Variants in NR3C2 observed in about 807,000 individuals in gnomAD.
NR3C2 encodes the protein nuclear receptor subfamily 3 group C member 2, also known as mineralocorticoid receptor.
NR3C2 carries 15 observed loss-of-function variants against 86.4 expected under a neutral mutation model. That is an observed-to-expected ratio of 0.17 (90% confidence interval 0.12 to 0.27). NR3C2 has a LOEUF of 0.27. Among genes scored for constraint, NR3C2 ranks in the 10% least tolerant of loss-of-function variants. The probability of loss-of-function intolerance (pLI) is 1.00; values close to 1 mark genes in which losing one functional copy is unlikely to be tolerated. For missense variants in NR3C2, 960 were observed against 1,195.6 expected (o/e 0.80, Z 2.91); for synonymous variants, 458 against 450.5 (o/e 1.02, Z -0.21).
chr4:148,104,342 G>GGTTTGGTTTT (rs1731686588), intron 8 of NR3C2, among the ~76,000 whole-genome samples: 1 of 63,796 alleles, frequency 1.6e-5, no homozygotes, highest in African/African-American at 5.5e-5. Flanking sequence ...TTTTGGTTTG[G>GGTTTGGTTTT]TTTTTTTTTT....
chr4:148,094,725 A>C (rs1268244112), intron 8 of NR3C2, among the ~76,000 whole-genome samples: 19 of 128,996 alleles, frequency 1.5e-4, no homozygotes, highest in Non-Finnish European at 1.1e-4. Context: ...CAAAAAAAAA[A>C]ACAAAAAAAA....
At chr4:148,205,744 A>C (rs1736971346) in intron 3 of NR3C2, among the ~76,000 whole-genome samples, 1 of 152,220 alleles carries the variant, frequency 6.6e-6, no homozygotes, top group African/African-American at 2.4e-5. Context: ...AGAATACAGA[A>C]GAGAAAGTAA....
intron 8 of NR3C2, among the ~76,000 whole-genome samples, chr4:148,094,737 A>C (rs1404794937): frequency 7.4e-6 from 1 of 135,902 alleles, no homozygotes; most frequent in African/African-American, 3.3e-5. Flanking sequence ...CAAAAAAAAC[A>C]AAAAAACAAA....
rs1730471949 is a variant in NR3C2 at position 148,080,044 on chromosome 4, G to A, written c.*1300C>T. ...TGCTCTCTGAGCCATCAAGTTCCCA[G>A]TCTCACTCTCGTAGAGCTGGTTCTG... On this transcript the variant is annotated 3_prime_UTR_variant, in exon 9 of 9. Transcript: ENST00000358102. The A allele has an allele frequency of 6.6e-6, 1 of 152,186 alleles. No homozygotes were observed. Among genetic ancestry groups the A allele is most frequent in the African/African-American group, 2.4e-5 (1 of 41,428 alleles). 9.4% of individuals were successfully genotyped at this position (152,186 alleles called of 1,614,324 possible).
At chr4:148,379,960 AT>A (rs1434868332) in intron 2 of NR3C2, among the ~76,000 whole-genome samples, 1 of 152,212 alleles carries the variant, frequency 6.6e-6, no homozygotes, top group Non-Finnish European at 1.5e-5. Context: ...ATACATTTAA[AT>A]GATTCTTGCA....
chr4:148,107,806 T>C (rs1322432918), intron 8 of NR3C2, among the ~76,000 whole-genome samples: 2 of 151,900 alleles, frequency 1.3e-5, no homozygotes, highest in South Asian at 2.1e-4. Flanking sequence ...TAAAAACACA[T>C]GGACACAGGG....
intron 8 of NR3C2, among the ~76,000 whole-genome samples, chr4:148,113,116 A>G (rs1455149859): frequency 6.6e-6 from 1 of 152,252 alleles, no homozygotes; most frequent in Non-Finnish European, 1.5e-5. Context: ...ATCCAAATCA[A>G]TATTTTGTAG....
At chr4:148,396,455 G>A (rs1747865392) in intron 2 of NR3C2, among the ~76,000 whole-genome samples, 1 of 152,128 alleles carries the variant, frequency 6.6e-6, no homozygotes. Context: ...AGCACCTCTT[G>A]TTAACAAAGA....
At position 148,433,483 on chromosome 4, in the gene NR3C2, T is replaced by C. The variant is rs1440330765; in HGVS notation, c.1757+1621A>G. Among the ~76,000 whole-genome samples, 4 of 152,108 alleles carry C rather than the reference T, an allele frequency of 2.6e-5. No homozygotes were observed. In the South Asian group the frequency reaches 8.3e-4, roughly 31 times the overall value. The stretch of plus-strand genomic sequence containing the variant: ...ATGAAGAAAAAGAAAACTAAAAATA[T>C]GAAAACTAAAAATTATAAAACAATT... On this transcript the variant is annotated intron_variant, in intron 2 of 8. Coordinates refer to ENST00000358102, the MANE Select transcript of NR3C2 (RefSeq NM_000901.5).
intron 3 of NR3C2, among the ~76,000 whole-genome samples, chr4:148,219,533 T>A (rs942836186): frequency 5.3e-5 from 8 of 152,214 alleles, no homozygotes; most frequent in African/African-American, 1.9e-4. Context: ...TAATTGCCCT[T>A]TTCATTCTCA....
At chr4:148,284,389 T>C (rs1249018186) in intron 2 of NR3C2, among the ~76,000 whole-genome samples, 1 of 152,098 alleles carries the variant, frequency 6.6e-6, no homozygotes, top group Admixed American at 6.5e-5. Context: ...CATTTGCTGA[T>C]GAAGGTGTGA....
intron 2 of NR3C2, among the ~76,000 whole-genome samples, chr4:148,324,155 A>G (rs1743817841): frequency 6.6e-6 from 1 of 152,216 alleles, no homozygotes; most frequent in African/African-American, 2.4e-5. Flanking sequence ...AAGACTATAC[A>G]TCCTTAACTG....
intron 2 of NR3C2, among the ~76,000 whole-genome samples, chr4:148,305,615 G>A (rs1742576665): frequency 6.6e-6 from 1 of 151,266 alleles, no homozygotes; most frequent in Non-Finnish European, 1.5e-5. Context: ...GCTACGCTTT[G>A]AGAGAACTTC....
chr4:148,098,089 A>T (rs1487758729), intron 8 of NR3C2, among the ~76,000 whole-genome samples: 1 of 151,954 alleles, frequency 6.6e-6, no homozygotes, highest in Non-Finnish European at 1.5e-5. Flanking sequence ...GTTTCCTCCC[A>T]TCTCCTCTTT....
Position 148,081,330 on chromosome 4 carries a change from T to C in NR3C2, c.*14A>G, listed in dbSNP as rs561242694. 3 of 1,614,208 alleles carry C rather than the reference T, an allele frequency of 1.9e-6. No homozygotes were observed. Among genetic ancestry groups the C allele is most frequent in the Admixed American group, 1.7e-5 (1 of 60,030 alleles). On this transcript the variant is annotated 3_prime_UTR_variant, in exon 9 of 9. Coordinates refer to ENST00000358102, the MANE Select transcript of NR3C2 (RefSeq NM_000901.5). ...AGGGAAACTTAAGGCAAAGTTCTTC[T>C]GGGCAGCGGGCAGTCACTTCCGGTG...
At position 148,128,337 on chromosome 4, in the gene NR3C2, A is replaced by G. The variant is rs149159603; in HGVS notation, c.2511-8049T>C. On this transcript the variant is annotated intron_variant, in intron 6 of 8. Coordinates refer to ENST00000358102, the MANE Select transcript of NR3C2 (RefSeq NM_000901.5). ...GCAGGTACTGGCTTACCATTCAGGT[A>G]TCTGGAAGTCCTTCTAGAAGTAGTT... 4.6e-3 allele frequency among the ~76,000 whole-genome samples: 696 copies of G among 152,352 alleles called. 7 individuals carry two copies. Among genetic ancestry groups the G allele is most frequent in the African/African-American group, 0.016 (657 of 41,590 alleles).
intron 2 of NR3C2, among the ~76,000 whole-genome samples, chr4:148,417,866 C>T (rs1749089119): frequency 6.6e-6 from 1 of 152,144 alleles, no homozygotes; most frequent in Non-Finnish European, 1.5e-5. Context: ...CTTAACAGTG[C>T]TTATATTTGA....
intron 2 of NR3C2, among the ~76,000 whole-genome samples, chr4:148,400,774 G>A (rs1402343069): frequency 1.8e-4 from 13 of 71,684 alleles, no homozygotes; most frequent in Admixed American, 8.7e-4. Flanking sequence ...GTGAGACTCC[G>A]TCTCAAAAAA....
Position 148,390,559 on chromosome 4 carries a change from C to T in NR3C2, c.1757+44545G>A, listed in dbSNP as rs371522108. 4.6e-5 allele frequency among the ~76,000 whole-genome samples: 7 copies of T among 152,210 alleles called. 1 individual carries two copies. The highest frequency in any genetic ancestry group is 1.9e-4 in the East Asian group (1 of 5,188). On this transcript the variant is annotated intron_variant, in intron 2 of 8. Transcript: ENST00000358102. ...GCCTAGGGAGACAGTACACTACGGG[C>T]ACTGTGTGAATGAAAAATACAACAA...
Sources: gnomAD v4.1 joint callset for allele counts (sites outside exome capture counted in the v4.1 genomes callset) on GRCh38, gnomAD v4.1.1 for gene constraint, MANE v1.5 for transcripts, NCBI Gene and HGNC (gene_info 2026-07-23, HGNC 2026-07-21) for gene names.